Variants in TNPO1 observed in about 807,000 individuals in gnomAD.
TNPO1 encodes transportin-1.
Under a neutral mutation model 119.5 loss-of-function variants are expected in TNPO1, and 8 were observed. That is an observed-to-expected ratio of 0.07 (90% CI 0.04 to 0.12). The LOEUF (loss-of-function observed/expected upper bound fraction) is 0.12, where lower values mean the gene tolerates loss of function less well. TNPO1 is among the 10% of genes least tolerant of loss of function. The pLI is 1.00. For synonymous variants in TNPO1, 362 were observed against 363.0 expected (o/e 1.00, Z 0.03); for missense variants, 576 against 1,089.8 (o/e 0.53, Z 6.64).
Position 72,900,073 on chromosome 5 carries a change from A to C in TNPO1, c.2406A>C (p.Ile802=). 6.2e-7 allele frequency: 1 copy of C among 1,613,390 alleles called. No individual in the cohort carries two copies. Among genetic ancestry groups the C allele is most frequent in the Non-Finnish European group, 8.5e-7 (1 of 1,179,436 alleles). The part of the protein sequence containing the change: ...QEVAPMLQQF[I]RPWCTSLRNI... ...TGGCCCCCATGCTACAGCAGTTTAT[A>C]AGACCCTGGTGTGTATTATTCAATC... Residue 802 remains isoleucine, a synonymous_variant, in exon 21 of 25, where the codon ATA becomes ATC. Transcript: ENST00000337273.
chr5:72,822,039 CTAATA>C (rs1229946599), intron 1 of TNPO1, among the ~76,000 whole-genome samples: 2 of 152,008 alleles, frequency 1.3e-5, no homozygotes, highest in African/African-American at 4.8e-5. Context: ...TAGACAAACT[CTAATA>C]TATAGTAGAG....
chr5:72,822,186 ACT>A (rs1319542920), intron 1 of TNPO1, among the ~76,000 whole-genome samples: 1 of 152,188 alleles, frequency 6.6e-6, no homozygotes, highest in Non-Finnish European at 1.5e-5. Flanking sequence ...TTTTTAAAGC[ACT>A]CTACATCGAT....
In TNPO1 at chr5:72,882,486, A is replaced by C. The variant is rs763458744; in HGVS notation, c.940A>C (p.Asn314His). Residue 314 changes from asparagine to histidine, a missense_variant, in exon 10 of 25, where the codon AAT becomes CAT. Coordinates refer to ENST00000337273, the MANE Select transcript of TNPO1 (RefSeq NM_002270.4). ...TTATAGGTTGATTCCTGTGTTAGTGAATGGCATGAAGTACTCAGACATAGA... is the reference window on the plus strand; with the variant it reads ...TTATAGGTTGATTCCTGTGTTAGTGCATGGCATGAAGTACTCAGACATAGA... ...HLPKLIPVLV[N>H]GMKYSDIDII... 1 of 1,610,238 alleles carries C rather than the reference A, an allele frequency of 6.2e-7. No homozygotes were observed. The highest frequency in any genetic ancestry group is 8.5e-7 in the Non-Finnish European group (1 of 1,178,118).
Position 72,912,297 on chromosome 5 carries a change from G to A in TNPO1, c.*3624G>A, listed in dbSNP as rs1281885143. On this transcript the variant is annotated 3_prime_UTR_variant, in exon 25 of 25. Coordinates refer to ENST00000337273, the MANE Select transcript of TNPO1 (RefSeq NM_002270.4). ...TGTAATTAACATTGATAAACACTGT[G>A]ATTTTTTTGGTTAAGACTTTTTCAT... The A allele has an allele frequency of 6.6e-6, 1 of 152,440 alleles. No homozygotes were observed. The highest frequency in any genetic ancestry group is 1.5e-5 in the Non-Finnish European group (1 of 67,908). 9.4% of individuals were successfully genotyped at this position (152,440 alleles called of 1,614,324 possible).
intron 1 of TNPO1, among the ~76,000 whole-genome samples, chr5:72,831,295 G>T (rs1311934167): frequency 1.3e-5 from 2 of 151,592 alleles, no homozygotes; most frequent in African/African-American, 4.8e-5. Flanking sequence ...ATTTAGTAGG[G>T]TTTTTTTCTT....
At chr5:72,903,284 C>G (rs1375437384) in intron 22 of TNPO1, among the ~76,000 whole-genome samples, 1 of 151,944 alleles carries the variant, frequency 6.6e-6, no homozygotes, top group Non-Finnish European at 1.5e-5. Flanking sequence ...TATTTCAAAT[C>G]AAGGTCATTT....
At chr5:72,889,642 G>A in intron 13 of TNPO1, 144 bp from the exon 14 acceptor site, 4 of 741,292 alleles carry the variant, frequency 5.4e-6, no homozygotes, top group East Asian at 2.8e-5. Context: ...TCACAGTGCT[G>A]ATGACCAGGG....
chr5:72,905,113 G>T (rs1750050962), intron 23 of TNPO1, among the ~76,000 whole-genome samples, 190 bp from the exon 24 acceptor site: 1 of 152,176 alleles, frequency 6.6e-6, no homozygotes, highest in Middle Eastern at 3.2e-3. Context: ...AATTCAAGAT[G>T]AGATTTGGGT....
At chr5:72,861,204 C>T (rs1450637045) in intron 4 of TNPO1, among the ~76,000 whole-genome samples, 1 of 152,070 alleles carries the variant, frequency 6.6e-6, no homozygotes, top group African/African-American at 2.4e-5. Flanking sequence ...AGCCACCGTG[C>T]CCAGCCATTA....
intron 9 of TNPO1, chr5:72,879,241 C>G (rs1433838029): frequency 6.2e-6 from 1 of 160,434 alleles, no homozygotes; most frequent in East Asian, 1.8e-4. Context: ...CCCCAAATTT[C>G]AGCAGCAGCT....
intron 11 of TNPO1, 99 bp from the exon 12 acceptor site, chr5:72,886,971 C>T: frequency 1.1e-6 from 1 of 896,122 alleles, no homozygotes; most frequent in Non-Finnish European, 1.4e-6. Context: ...TATTTTAAAA[C>T]TCCGTATTAG....
chr5:72,890,741 CT>C (rs1748988107), intron 14 of TNPO1, among the ~76,000 whole-genome samples: 1 of 152,094 alleles, frequency 6.6e-6, no homozygotes, highest in African/African-American at 2.4e-5. Flanking sequence ...TAGTTTGACA[CT>C]TAAATGATTT....
intron 9 of TNPO1, among the ~76,000 whole-genome samples, chr5:72,880,405 CT>C (rs1292750575): frequency 5.9e-5 from 9 of 152,002 alleles, no homozygotes; most frequent in Non-Finnish European, 1.2e-4. Flanking sequence ...ACATTAATGT[CT>C]TATAGGGCTG....
intron 1 of TNPO1, among the ~76,000 whole-genome samples, chr5:72,827,642 T>C (rs959128282): frequency 1.3e-5 from 2 of 152,136 alleles, no homozygotes; most frequent in Non-Finnish European, 1.5e-5. Flanking sequence ...TGAAAACTAG[T>C]AGTATTTAGT....
At position 72,855,828 on chromosome 5, in the gene TNPO1, A is replaced by G. The variant is rs1298885055; in HGVS notation, c.260A>G (p.His87Arg). ...GLILKNNVKA[H>R]FQNFPNGVTD... Reference sequence around the variant, plus strand: ...ATCTTGAAGAATAATGTGAAAGCACACTTTCAGAACTTCCCAAATGGTGTA... The same window carrying G: ...ATCTTGAAGAATAATGTGAAAGCACGCTTTCAGAACTTCCCAAATGGTGTA... The change falls in exon 4 of 25, where the codon CAC becomes CGC. Residue 87 changes from histidine (H) to arginine (R), a missense_variant. Physicochemically the swap from His to Arg is conservative, Grantham distance 29 (BLOSUM62 0). Transcript: ENST00000337273. The G allele has an allele frequency of 1.2e-6, 2 of 1,611,730 alleles. No homozygotes were observed. Among genetic ancestry groups the G allele is most frequent in the African/African-American group, 1.3e-5 (1 of 74,882 alleles).
At chr5:72,858,603 C>G (rs1315507510) in intron 4 of TNPO1, among the ~76,000 whole-genome samples, 3 of 152,090 alleles carry the variant, frequency 2.0e-5, no homozygotes, top group Non-Finnish European at 4.4e-5. Flanking sequence ...TTTGGGAGGC[C>G]AAGGTGGGCG....
At chr5:72,832,967 A>G (rs926844833) in intron 1 of TNPO1, among the ~76,000 whole-genome samples, 3 of 152,120 alleles carry the variant, frequency 2.0e-5, no homozygotes, top group African/African-American at 4.8e-5. Flanking sequence ...TCAGATTTAC[A>G]TTGGTGTTCA....
chr5:72,896,372 T>G, intron 18 of TNPO1, 86 bp from the exon 19 acceptor site: 1 of 762,324 alleles, frequency 1.3e-6, no homozygotes, highest in Non-Finnish European at 2.0e-6. Flanking sequence ...CTTGCTTAGA[T>G]TTCTGTTTCC....
chr5:72,904,294 T>C (rs1306138425), intron 23 of TNPO1, among the ~76,000 whole-genome samples: 1 of 152,208 alleles, frequency 6.6e-6, no homozygotes, highest in Admixed American at 6.5e-5. Flanking sequence ...TATTTGCAGT[T>C]TGAAAAAATA....
Sources: gnomAD v4.1 joint callset for allele counts (sites outside exome capture counted in the v4.1 genomes callset) on GRCh38, gnomAD v4.1.1 for gene constraint, MANE v1.5 for transcripts, NCBI Gene and HGNC (gene_info 2026-07-23, HGNC 2026-07-21) for gene names.